The following SIPA1L1 variants were observed in gnomAD, a reference collection of about 807,000 sequenced individuals.
SIPA1L1 encodes signal-induced proliferation-associated 1-like protein 1.
A neutral mutation model predicts 162.7 loss-of-function variants in SIPA1L1; 26 were observed. That is an observed-to-expected ratio of 0.16 (90% CI 0.12 to 0.22). The LOEUF (loss-of-function observed/expected upper bound fraction) is 0.22, where lower values mean the gene tolerates loss of function less well. Among genes scored for constraint, SIPA1L1 ranks in the 10% least tolerant of loss-of-function variants. The pLI is 1.00. For missense variants in SIPA1L1, 1,874 were observed against 2,241.0 expected (o/e 0.84, Z 3.31); for synonymous variants, 829 against 837.4 (o/e 0.99, Z 0.17).
chr14:71,338,972 T>G (rs1257828843), intron 2 of SIPA1L1, among the ~76,000 whole-genome samples: 1 of 152,090 alleles, frequency 6.6e-6, no homozygotes, highest in African/African-American at 2.4e-5. Context: ...ACTCCCAACC[T>G]CAAGTGATCT....
At chr14:71,485,214 T>C (rs2048653585) in intron 2 of SIPA1L1, among the ~76,000 whole-genome samples, 2 of 152,220 alleles carry the variant, frequency 1.3e-5, no homozygotes, top group Admixed American at 1.3e-4. Flanking sequence ...AGAATGCTAT[T>C]ACAGTTAAGT....
At chr14:71,641,672 G>A (rs943026108) in intron 7 of SIPA1L1, among the ~76,000 whole-genome samples, 3 of 152,196 alleles carry the variant, frequency 2.0e-5, no homozygotes, top group South Asian at 2.1e-4. Context: ...GCAGTGAGCC[G>A]AGATGGAGCC....
chr14:71,375,869 C>T (rs551098046), intron 2 of SIPA1L1, among the ~76,000 whole-genome samples: 18 of 152,168 alleles, frequency 1.2e-4, no homozygotes, highest in East Asian at 7.7e-4. Flanking sequence ...ATGTATTACA[C>T]GGATTGATTT....
chr14:71,672,672 T>C (rs531000941), intron 12 of SIPA1L1, 50 bp downstream of exon 12: 2 of 1,583,246 alleles, frequency 1.3e-6, no homozygotes, highest in Admixed American at 1.7e-5. Flanking sequence ...GCAGGGTTTG[T>C]GTACCATGTA....
chr14:71,723,462 T>C (rs188904672), intron 17 of SIPA1L1, among the ~76,000 whole-genome samples, 185 bp from the exon 18 acceptor site: 51 of 152,292 alleles, frequency 3.3e-4, no homozygotes, highest in African/African-American at 1.2e-3. Flanking sequence ...TGGTCATCTG[T>C]CACTTTGAGA....
chr14:71,399,804 C>G (rs908013515), intron 2 of SIPA1L1, among the ~76,000 whole-genome samples: 2 of 151,880 alleles, frequency 1.3e-5, no homozygotes, highest in Non-Finnish European at 2.9e-5. Context: ...TCACTGCAAC[C>G]CCACCTCTCG....
chr14:71,454,591 TG>T (rs2046056954), intron 2 of SIPA1L1, among the ~76,000 whole-genome samples: 1 of 152,158 alleles, frequency 6.6e-6, no homozygotes, highest in Non-Finnish European at 1.5e-5. Context: ...CTGGAGAAGG[TG>T]GTCTTGGAAC....
At chr14:71,569,689 T>C (rs2031553236) in intron 4 of SIPA1L1, among the ~76,000 whole-genome samples, 1 of 152,070 alleles carries the variant, frequency 6.6e-6, no homozygotes, top group Non-Finnish European at 1.5e-5. Context: ...GTTCGAAAAA[T>C]AGGAAAAACA....
At chr14:71,543,517 G>C (rs1013848127) in intron 4 of SIPA1L1, among the ~76,000 whole-genome samples, 2 of 152,096 alleles carry the variant, frequency 1.3e-5, no homozygotes, top group African/African-American at 4.8e-5. Flanking sequence ...CAATTCATGA[G>C]GGTTCCAGTT....
At chr14:71,628,932 A>G (rs2040301488) in intron 7 of SIPA1L1, among the ~76,000 whole-genome samples, 1 of 152,118 alleles carries the variant, frequency 6.6e-6, no homozygotes, top group Non-Finnish European at 1.5e-5. Flanking sequence ...TAAGGGAGTA[A>G]TAAAAGTAGA....
intron 2 of SIPA1L1, among the ~76,000 whole-genome samples, chr14:71,488,706 G>T (rs2048976682): frequency 6.6e-6 from 1 of 152,212 alleles, no homozygotes; most frequent in Non-Finnish European, 1.5e-5. Flanking sequence ...CTCTTGGTCA[G>T]TGTAGGCTGT....
At chr14:71,598,136 G>C in intron 5 of SIPA1L1, 1 of 816,130 alleles carries the variant, frequency 1.2e-6, no homozygotes, top group Non-Finnish European at 1.5e-6. Context: ...TTCAGGAAAT[G>C]ACATTACAGA....
intron 4 of SIPA1L1, among the ~76,000 whole-genome samples, chr14:71,575,460 C>T (rs917395568): frequency 2.6e-5 from 4 of 151,956 alleles, no homozygotes; most frequent in African/African-American, 4.8e-5. Context: ...AGCATATAAC[C>T]GGGTTCAAAA....
intron 4 of SIPA1L1, among the ~76,000 whole-genome samples, chr14:71,561,140 CAT>C (rs939970522): frequency 5.3e-5 from 8 of 152,148 alleles, no homozygotes; most frequent in Non-Finnish European, 8.8e-5. Flanking sequence ...TTTCAAAAAA[CAT>C]GGGCAATGAT....
At chr14:71,606,924 G>A (rs527551154) in intron 5 of SIPA1L1, among the ~76,000 whole-genome samples, 209 of 151,548 alleles carry the variant, frequency 1.4e-3, no homozygotes, top group Non-Finnish European at 2.5e-3. Flanking sequence ...TCAGGCAGAA[G>A]AAAAAAATAA....
chr14:71,375,775 G>A (rs1361129780), intron 2 of SIPA1L1, among the ~76,000 whole-genome samples: 1 of 152,074 alleles, frequency 6.6e-6, no homozygotes. Context: ...TTTTTATCAT[G>A]AATGTCTATT....
At chr14:71,692,664 C>T (rs776767937) in intron 13 of SIPA1L1, among the ~76,000 whole-genome samples, 7 of 152,218 alleles carry the variant, frequency 4.6e-5, no homozygotes, top group East Asian at 3.8e-4. Context: ...AGTTCCCCAT[C>T]GTTTACAAAC....
intron 10 of SIPA1L1, among the ~76,000 whole-genome samples, chr14:71,661,933 T>G (rs1303290194): frequency 6.6e-6 from 1 of 152,218 alleles, no homozygotes; most frequent in African/African-American, 2.4e-5. Flanking sequence ...TATACTTTAT[T>G]TAGCATTATT....
At chr14:71,362,629 G>A (rs1312047311) in intron 2 of SIPA1L1, among the ~76,000 whole-genome samples, 2 of 152,140 alleles carry the variant, frequency 1.3e-5, no homozygotes, top group East Asian at 3.8e-4. Context: ...CATTGTACAT[G>A]TATCTCAAAT....
Sources: gnomAD v4.1 joint callset for allele counts (sites outside exome capture counted in the v4.1 genomes callset) on GRCh38, gnomAD v4.1.1 for gene constraint, MANE v1.5 for transcripts, NCBI Gene and HGNC (gene_info 2026-07-23, HGNC 2026-07-21) for gene names.